Variants in SLC13A3 observed in about 807,000 individuals in gnomAD.
SLC13A3 encodes solute carrier family 13 member 3.
A neutral mutation model predicts 59.0 loss-of-function variants in SLC13A3; 40 were observed. The ratio of observed to expected loss-of-function variants is 0.68; its 90% CI spans 0.53 to 0.88. The LOEUF (loss-of-function observed/expected upper bound fraction) is 0.88. Ranked by LOEUF, SLC13A3 falls within the 40% of genes least tolerant of loss-of-function variation. SLC13A3 has a pLI of 0.00. For synonymous variants in SLC13A3, 317 were observed against 330.3 expected (o/e 0.96, Z 0.44); for missense variants, 699 against 783.2 (o/e 0.89, Z 1.28).
At chr20:46,638,128 G>T (rs549598918) in intron 1 of SLC13A3, among the ~76,000 whole-genome samples, 1 of 152,306 alleles carries the variant, frequency 6.6e-6, no homozygotes, top group South Asian at 2.1e-4. Context: ...CACGATTCTG[G>T]TCCCAGACAC....
chr20:46,568,866 GC>G (rs1466543014), intron 10 of SLC13A3, among the ~76,000 whole-genome samples: 1 of 152,242 alleles, frequency 6.6e-6, no homozygotes, highest in African/African-American at 2.4e-5. Flanking sequence ...AGCCACACAG[GC>G]CTTGGCACAG....
upstream of SLC13A3, among the ~76,000 whole-genome samples, chr20:46,656,456 A>G (rs2062993881): frequency 1.1e-5 from 1 of 94,566 alleles, no homozygotes; most frequent in Non-Finnish European, 2.1e-5. Context: ...TATACTGTAT[A>G]TGATATACTA....
intron 1 of SLC13A3, among the ~76,000 whole-genome samples, chr20:46,642,604 T>G (rs1015697966): frequency 6.6e-6 from 1 of 152,128 alleles, no homozygotes; most frequent in Non-Finnish European, 1.5e-5. Flanking sequence ...CCTGGCCTCT[T>G]GCGCTTCCCA....
At chr20:46,595,972 C>A (rs1197439798) in intron 5 of SLC13A3, among the ~76,000 whole-genome samples, 185 bp downstream of exon 5, 1 of 152,156 alleles carries the variant, frequency 6.6e-6, no homozygotes, top group East Asian at 1.9e-4. Context: ...CACTTATTGC[C>A]TGTCTCTCCC....
In SLC13A3 at chr20:46,616,322, G is replaced by A. The variant is rs561787528; in HGVS notation, c.112-2597C>T. Among the ~76,000 whole-genome samples the A allele has an allele frequency of 4.7e-4, 71 of 152,280 alleles. 1 individual carries two copies. The highest frequency in any genetic ancestry group is 4.4e-3 in the Admixed American group (67 of 15,298). On this transcript the variant is annotated intron_variant, in intron 1 of 12. Coordinates refer to ENST00000279027, the MANE Select transcript of SLC13A3 (RefSeq NM_022829.6). ...AATCAGAAAAAAAGGCACTCTTCTG[G>A]AGAAGTGAGAAAAAGAGCTGTCGAT...
intron 1 of SLC13A3, among the ~76,000 whole-genome samples, chr20:46,636,611 A>G (rs982876190): frequency 1.3e-5 from 2 of 152,160 alleles, no homozygotes; most frequent in Non-Finnish European, 2.9e-5. Context: ...CTGGCTCCTC[A>G]TCACAGCCCC....
At chr20:46,606,648 G>A (rs1356101662) in intron 3 of SLC13A3, among the ~76,000 whole-genome samples, 4 of 152,176 alleles carry the variant, frequency 2.6e-5, no homozygotes, top group African/African-American at 7.2e-5. Context: ...AGGCTGCAGC[G>A]AGCTGAATGC....
At chr20:46,579,039 G>A (rs1014950834) in intron 9 of SLC13A3, among the ~76,000 whole-genome samples, 2 of 152,186 alleles carry the variant, frequency 1.3e-5, no homozygotes, top group South Asian at 2.1e-4. Context: ...AAGAATAGTG[G>A]GGTGAGTATA....
At chr20:46,604,919 G>C (rs1214672491) in intron 3 of SLC13A3, among the ~76,000 whole-genome samples, 1 of 152,116 alleles carries the variant, frequency 6.6e-6, no homozygotes. Context: ...CCCCACCATC[G>C]CTAGCTCGCT....
Position 46,613,596 on chromosome 20 carries a change from C to G in SLC13A3, c.241G>C (p.Val81Leu), listed in dbSNP as rs747137830. The change falls in exon 2 of 13, where the codon GTC becomes CTC. Residue 81 changes from valine to leucine, a missense_variant. By Grantham distance (32) the Val-to-Leu change is conservative. Coordinates refer to ENST00000279027, the MANE Select transcript of SLC13A3 (RefSeq NM_022829.6). The stretch of plus-strand genomic sequence containing the variant: ...GTGTCGAGGAAGTACTGGGGGCAGA[C>G]CTTGTTGGAGGGCAAGATGCCCATG... ...PFMGILPSNK[V>L]CPQYFLDTNF... 6.2e-7 allele frequency: 1 copy of G among 1,613,334 alleles called. No individual in the cohort carries two copies. The highest frequency in any genetic ancestry group is 8.5e-7 in the Non-Finnish European group (1 of 1,179,648).
intron 11 of SLC13A3, 65 bp from the exon 12 acceptor site, chr20:46,563,616 G>GAGAGAGAA: frequency 7.8e-7 from 1 of 1,277,354 alleles, no homozygotes; most frequent in South Asian, 1.5e-5. Context: ...CAGCAAGAGG[G>GAGAGAGAA]AGAGAGAGAG....
At chr20:46,636,561 T>C (rs1196907528) in intron 1 of SLC13A3, among the ~76,000 whole-genome samples, 2 of 152,202 alleles carry the variant, frequency 1.3e-5, no homozygotes, top group East Asian at 3.8e-4. Context: ...CTCTCACTAT[T>C]TGGAGGGCAC....
intron 1 of SLC13A3, among the ~76,000 whole-genome samples, chr20:46,679,530 C>T (rs776079556): frequency 1.3e-5 from 2 of 151,716 alleles, no homozygotes; most frequent in Non-Finnish European, 2.9e-5. Context: ...AGGAGAATGG[C>T]GTGAACCCAG....
intron 9 of SLC13A3, among the ~76,000 whole-genome samples, chr20:46,579,143 C>CT (rs199499366): frequency 0.027 from 4,047 of 151,792 alleles, 160 homozygotes; most frequent in African/African-American, 0.084. Flanking sequence ...CTCGATTTTT[C>CT]TTTTTTTTCT....
At chr20:46,584,449 T>C (rs916648405) in intron 8 of SLC13A3, 1 of 985,314 alleles carries the variant, frequency 1.0e-6, no homozygotes, top group Non-Finnish European at 1.2e-6. Flanking sequence ...CTCAGATTGT[T>C]CTGGCTCCAA....
chr20:46,595,608 T>TG (rs1020019484), intron 5 of SLC13A3, among the ~76,000 whole-genome samples: 4 of 152,204 alleles, frequency 2.6e-5, no homozygotes, highest in Non-Finnish European at 5.9e-5. Flanking sequence ...GAGGAAAAGC[T>TG]GGAGTCCTTA....
At position 46,651,431 on chromosome 20, in the gene SLC13A3, C is replaced by G. The variant is rs750021867; in HGVS notation, c.-10G>C. 7 of 1,475,158 alleles carry G rather than the reference C, an allele frequency of 4.7e-6. No homozygotes were observed. In the Admixed American group the frequency reaches 1.4e-4, roughly 29 times the overall value. 91.4% of individuals were successfully genotyped at this position (1,475,158 alleles called of 1,614,324 possible). On this transcript the variant is annotated 5_prime_UTR_variant, in exon 1 of 13. Coordinates refer to ENST00000279027, the MANE Select transcript of SLC13A3 (RefSeq NM_022829.6). ...CTGCCAGCGCCGCCATCAGCGCGAT[C>G]GCCTGGCGGTACGGGCCGGCCCGGG... is the stretch of plus-strand genomic sequence containing the variant.
At chr20:46,644,272 A>G (rs901508026) in intron 1 of SLC13A3, among the ~76,000 whole-genome samples, 1 of 152,154 alleles carries the variant, frequency 6.6e-6, no homozygotes, top group Non-Finnish European at 1.5e-5. Flanking sequence ...AGTGCTAACT[A>G]TAAGCCAGCA....
intron 1 of SLC13A3, among the ~76,000 whole-genome samples, chr20:46,680,411 T>C (rs116327213): frequency 0.015 from 2,211 of 152,350 alleles, 50 homozygotes; most frequent in African/African-American, 0.051. Flanking sequence ...CTGCTCCACG[T>C]ACCTCCTTAT....
Sources: gnomAD v4.1 joint callset for allele counts (sites outside exome capture counted in the v4.1 genomes callset) on GRCh38, gnomAD v4.1.1 for gene constraint, MANE v1.5 for transcripts, NCBI Gene and HGNC (gene_info 2026-07-23, HGNC 2026-07-21) for gene names.